Variants in NEDD4L observed in about 807,000 individuals in gnomAD.
The protein encoded by NEDD4L is NEDD4 like E3 ubiquitin protein ligase.
NEDD4L carries 54 observed loss-of-function variants against 148.9 expected under a neutral mutation model. The observed-to-expected ratio is 0.36, with a 90% confidence interval of 0.29 to 0.45. NEDD4L has a LOEUF of 0.45. NEDD4L is among the 20% of genes least tolerant of loss of function. NEDD4L has a pLI of 1.00. For synonymous variants in NEDD4L, 433 were observed against 440.7 expected, an observed-to-expected ratio of 0.98 and a Z score of 0.22; for missense variants, 856 against 1,233.8, an observed-to-expected ratio of 0.69 and a Z score of 4.59.
At chr18:58,063,792 G>T (rs1036049101) in intron 1 of NEDD4L, among the ~76,000 whole-genome samples, 1 of 151,348 alleles carries the variant, frequency 6.6e-6, no homozygotes, top group African/African-American at 2.4e-5. Context: ...CTGACCTTGT[G>T]ATCCACCCGC....
At chr18:58,237,671 T>C (rs2046188575) in intron 2 of NEDD4L, among the ~76,000 whole-genome samples, 2 of 152,240 alleles carry the variant, frequency 1.3e-5, no homozygotes, top group South Asian at 4.1e-4. Flanking sequence ...TAAAATATTT[T>C]TATTAGCACA....
At chr18:58,061,667 A>G (rs536822194) in intron 1 of NEDD4L, among the ~76,000 whole-genome samples, 1 of 152,284 alleles carries the variant, frequency 6.6e-6, no homozygotes, top group African/African-American at 2.4e-5. Context: ...GGGAACATTT[A>G]CCATCTTTTG....
At chr18:58,104,672 T>G (rs1197156023) in intron 1 of NEDD4L, among the ~76,000 whole-genome samples, 1 of 152,242 alleles carries the variant, frequency 6.6e-6, no homozygotes, top group Admixed American at 6.5e-5. Context: ...TCCTTGTACA[T>G]TTATAACTGA....
At chr18:58,364,601 A>G (rs1170069171) in intron 20 of NEDD4L, among the ~76,000 whole-genome samples, 1 of 152,234 alleles carries the variant, frequency 6.6e-6, no homozygotes, top group Non-Finnish European at 1.5e-5. Context: ...AATGATTTTT[A>G]TGGGATATAA....
intron 5 of NEDD4L, among the ~76,000 whole-genome samples, chr18:58,288,239 G>C (rs2054209815): frequency 2.0e-5 from 3 of 152,190 alleles, no homozygotes; most frequent in Non-Finnish European, 4.4e-5. Context: ...GAAAACATCT[G>C]CTGAAAGCCG....
intron 1 of NEDD4L, among the ~76,000 whole-genome samples, chr18:58,157,655 G>T (rs570001607): frequency 5.7e-4 from 87 of 152,112 alleles, no homozygotes; most frequent in African/African-American, 1.8e-3. Flanking sequence ...ATGGTATCAG[G>T]TTCCATATTT....
At chr18:58,247,332 CTT>C (rs936296538) in intron 3 of NEDD4L, 5 of 152,128 alleles carry the variant, frequency 3.3e-5, no homozygotes, top group African/African-American at 1.2e-4. Flanking sequence ...AGGAGCCAGT[CTT>C]TTGATTAGCA....
intron 1 of NEDD4L, among the ~76,000 whole-genome samples, chr18:58,144,726 C>T (rs1045465438): frequency 1.3e-5 from 2 of 152,166 alleles, no homozygotes; most frequent in African/African-American, 2.4e-5. Flanking sequence ...CAGTCTCCCT[C>T]GCGTGTACCG....
chr18:58,115,087 G>T (rs554315725), intron 1 of NEDD4L, among the ~76,000 whole-genome samples: 4 of 152,298 alleles, frequency 2.6e-5, no homozygotes, highest in Admixed American at 2.6e-4. Context: ...CATCTTGGGG[G>T]ACCGTCATTC....
intron 2 of NEDD4L, among the ~76,000 whole-genome samples, chr18:58,211,234 A>T (rs1348595436): frequency 1.3e-5 from 2 of 152,238 alleles, no homozygotes; most frequent in African/African-American, 4.8e-5. Flanking sequence ...ATTTAATATT[A>T]TCTTAGAGGT....
chr18:58,251,621 T>G (rs138974529), intron 4 of NEDD4L, among the ~76,000 whole-genome samples: 4 of 152,294 alleles, frequency 2.6e-5, no homozygotes, highest in Admixed American at 1.3e-4. Flanking sequence ...CTTCATTATT[T>G]TTATCATTAC....
At chr18:58,097,495 C>T (rs1401173732) in intron 1 of NEDD4L, among the ~76,000 whole-genome samples, 1 of 152,336 alleles carries the variant, frequency 6.6e-6, no homozygotes, top group Non-Finnish European at 1.5e-5. Context: ...GAGCCCCCCA[C>T]GTTGCATTCT....
At chr18:58,182,703 A>G (rs2038996373) in intron 2 of NEDD4L, among the ~76,000 whole-genome samples, 3 of 151,858 alleles carry the variant, frequency 2.0e-5, no homozygotes, top group Admixed American at 6.6e-5. Flanking sequence ...AGTGGTCTCA[A>G]ACTCCTGTCC....
At chr18:58,329,821 A>C (rs1233074997) in intron 10 of NEDD4L, among the ~76,000 whole-genome samples, 1 of 152,048 alleles carries the variant, frequency 6.6e-6, no homozygotes, top group Non-Finnish European at 1.5e-5. Context: ...CAGTATGAAA[A>C]TCTTAAGATA....
chr18:58,248,909 CA>C lies in NEDD4L; in HGVS notation c.219del (p.Lys73AsnfsTer10). On this transcript the variant is annotated frameshift_variant, in exon 4 of 31. Transcript: ENST00000400345. LOFTEE classifies it high-confidence loss of function. ...TAATTTCTCTTCCAGACACTGAACC[CA>C]AAATGGAATGAAGAATTTTATTTCA... ...QTKTIKKTLN[P>X]KWNEEFYFRV... 4 of 1,499,140 alleles carry C rather than the reference CA, an allele frequency of 2.7e-6. No individual in the cohort carries two copies. Among genetic ancestry groups the C allele is most frequent in the East Asian group, 2.4e-5 (1 of 40,914 alleles). The allele number at this position is 1,499,140 out of a possible 1,614,324, so 92.9% of individuals were successfully genotyped here. A position where few individuals can be genotyped will look rare whatever the true frequency, so the allele number is the denominator to read the frequency against.
chr18:58,269,517 A>G (rs2050714729), intron 5 of NEDD4L, among the ~76,000 whole-genome samples: 1 of 152,098 alleles, frequency 6.6e-6, no homozygotes, highest in Admixed American at 6.5e-5. Flanking sequence ...TTAATGGAAT[A>G]GAATCTACCA....
chr18:58,257,577 A>G (rs1442919448), intron 5 of NEDD4L, among the ~76,000 whole-genome samples: 1 of 152,178 alleles, frequency 6.6e-6, no homozygotes, highest in Admixed American at 6.5e-5. Context: ...TATATAGAAT[A>G]GTAAGTACCC....
intron 19 of NEDD4L, among the ~76,000 whole-genome samples, chr18:58,362,562 G>C (rs975962379): frequency 6.6e-6 from 1 of 152,136 alleles, no homozygotes; most frequent in Non-Finnish European, 1.5e-5. Context: ...TAGTTCCTAT[G>C]GGGTCATTTT....
intron 1 of NEDD4L, among the ~76,000 whole-genome samples, chr18:58,079,368 G>A (rs1422883613): frequency 2.0e-5 from 3 of 152,218 alleles, no homozygotes; most frequent in African/African-American, 7.2e-5. Flanking sequence ...CGTGGTAACA[G>A]CAGTGTTCAT....
Sources: gnomAD v4.1 joint callset for allele counts (sites outside exome capture counted in the v4.1 genomes callset) on GRCh38, gnomAD v4.1.1 for gene constraint, MANE v1.5 for transcripts, NCBI Gene and HGNC (gene_info 2026-07-23, HGNC 2026-07-21) for gene names.